The following PTPRR variants were observed in gnomAD, a reference collection of about 807,000 sequenced individuals.
PTPRR encodes the protein protein tyrosine phosphatase receptor type R, also known as receptor-type tyrosine-protein phosphatase R.
Under a neutral mutation model 77.2 loss-of-function variants are expected in PTPRR, and 38 were observed. That is an observed-to-expected ratio of 0.49 (90% CI 0.38 to 0.65). The LOEUF is 0.65. Ranked by LOEUF, PTPRR falls within the 30% of genes least tolerant of loss-of-function variation. The pLI is 0.00. For synonymous variants in PTPRR, 299 were observed against 283.1 expected (o/e 1.06, Z -0.57); for missense variants, 744 against 799.2 (o/e 0.93, Z 0.83).
chr12:70,866,362 C>A (rs1592801941), intron 2 of PTPRR, among the ~76,000 whole-genome samples: 1 of 151,642 alleles, frequency 6.6e-6, no homozygotes, highest in African/African-American at 2.4e-5. Flanking sequence ...CACCACCGAT[C>A]CCACAGAAAT....
intron 2 of PTPRR, among the ~76,000 whole-genome samples, chr12:70,806,881 C>G (rs1366283785): frequency 6.6e-6 from 1 of 152,122 alleles, no homozygotes; most frequent in Non-Finnish European, 1.5e-5. Flanking sequence ...GGGGATAGTA[C>G]TGGGAGATTG....
rs367842570 is a variant in PTPRR at position 70,828,473 on chromosome 12, T to C, written c.358-63695A>G. ...AGTGGGAGAAGAAAATATCTTTAAA[T>C]GGAAAGAGAATTAGATGCATTTTGG... On this transcript the variant is annotated intron_variant, in intron 2 of 13. Transcript: ENST00000283228. 1.3e-4 allele frequency among the ~76,000 whole-genome samples: 20 copies of C among 152,336 alleles called. No individual in the cohort carries two copies. In the East Asian group the frequency reaches 3.7e-3, roughly 28 times the overall value.
At chr12:70,712,278 G>A (rs1888853414) in intron 6 of PTPRR, among the ~76,000 whole-genome samples, 1 of 152,014 alleles carries the variant, frequency 6.6e-6, no homozygotes. Flanking sequence ...ACCGTGATCA[G>A]ATTCTTGCCA....
intron 8 of PTPRR, among the ~76,000 whole-genome samples, chr12:70,694,654 A>C (rs1212167127): frequency 4.6e-5 from 7 of 152,030 alleles, no homozygotes; most frequent in Non-Finnish European, 7.4e-5. Flanking sequence ...ACTCCAAAAA[A>C]AGGGAGGGAG....
chr12:70,728,176 G>C (rs1414093214), intron 6 of PTPRR, among the ~76,000 whole-genome samples: 1 of 146,034 alleles, frequency 6.8e-6, no homozygotes, highest in Non-Finnish European at 1.5e-5. Context: ...CGAAATGCTT[G>C]GGACCAGAAG....
chr12:70,738,594 C>A (rs1250902700), intron 6 of PTPRR, among the ~76,000 whole-genome samples: 1 of 152,166 alleles, frequency 6.6e-6, no homozygotes, highest in Non-Finnish European at 1.5e-5. Flanking sequence ...CGTACAGTAG[C>A]CCAAAGGGAA....
intron 2 of PTPRR, among the ~76,000 whole-genome samples, chr12:70,782,644 C>T (rs893664593): frequency 2.0e-5 from 3 of 151,604 alleles, no homozygotes; most frequent in African/African-American, 7.3e-5. Flanking sequence ...ACAATGAGAA[C>T]ACTTGGACAC....
At chr12:70,839,767 G>C (rs1455268852) in intron 2 of PTPRR, among the ~76,000 whole-genome samples, 3 of 152,132 alleles carry the variant, frequency 2.0e-5, no homozygotes, top group Non-Finnish European at 4.4e-5. Flanking sequence ...ATGCGGGCCA[G>C]GTATAGAGCT....
Position 70,701,126 on chromosome 12 carries a change from A to G in PTPRR, c.1194+11T>C, listed in dbSNP as rs773634994. 2 of 1,613,600 alleles carry G rather than the reference A, an allele frequency of 1.2e-6. No individual in the cohort carries two copies. The highest frequency in any genetic ancestry group is 1.7e-6 in the Non-Finnish European group (2 of 1,179,710). On this transcript the variant is annotated intron_variant, in intron 7 of 13. Transcript: ENST00000283228. Reference sequence around the variant, plus strand: ...ACCGACTGAAGAGTGAACAATAAATAGAAGGCTCACCATGAATTCACTTTG... The same window carrying G: ...ACCGACTGAAGAGTGAACAATAAATGGAAGGCTCACCATGAATTCACTTTG...
intron 13 of PTPRR, among the ~76,000 whole-genome samples, chr12:70,648,624 C>G (rs1336653248): frequency 6.6e-6 from 1 of 152,106 alleles, no homozygotes; most frequent in Non-Finnish European, 1.5e-5. Context: ...ACAGAGAGGC[C>G]TAGAGTGGAC....
chr12:70,714,147 T>C (rs576257072), intron 6 of PTPRR, among the ~76,000 whole-genome samples: 1 of 152,290 alleles, frequency 6.6e-6, no homozygotes, highest in African/African-American at 2.4e-5. Flanking sequence ...ATTCAAATAA[T>C]GTGGTTACTG....
At chr12:70,672,403 G>T in intron 10 of PTPRR, 1 of 1,197,716 alleles carries the variant, frequency 8.3e-7, no homozygotes, top group Non-Finnish European at 1.2e-6. Context: ...AAGTGGAGCA[G>T]CTGTGGTCAT....
Position 70,729,150 on chromosome 12 carries a change from T to C in PTPRR, c.1007+16668A>G, listed in dbSNP as rs549925543. Among the ~76,000 whole-genome samples, 13 of 152,248 alleles carry C rather than the reference T, an allele frequency of 8.5e-5. No homozygotes were observed. The East Asian group carries it at 2.5e-3, about 29-fold the overall frequency. On this transcript the variant is annotated intron_variant, in intron 6 of 13. Transcript: ENST00000283228. ...TACAGATTATAGAAATATATACTAA[T>C]ATAAATATATTCAAATACACCATAG...
chr12:70,687,830 CAA>C (rs2136745914), intron 8 of PTPRR, among the ~76,000 whole-genome samples: 1 of 152,262 alleles, frequency 6.6e-6, no homozygotes, highest in South Asian at 2.1e-4. Context: ...AATTCCTCCT[CAA>C]GAGATATGTT....
Position 70,695,073 on chromosome 12 carries a change from A to C in PTPRR, c.1279+3192T>G, listed in dbSNP as rs145390453. On this transcript the variant is annotated intron_variant, in intron 8 of 13. Transcript: ENST00000283228. ...CCAAGATAACACTGTCATTAGAGAAATGACTATAATTTAATTTATAATTAT... is the reference window on the plus strand; with the variant it reads ...CCAAGATAACACTGTCATTAGAGAACTGACTATAATTTAATTTATAATTAT... Among the ~76,000 whole-genome samples the C allele has an allele frequency of 7.5e-3, 1,135 of 152,290 alleles. 7 individuals carry two copies. The highest frequency in any genetic ancestry group is 0.011 in the Non-Finnish European group (754 of 68,022).
intron 6 of PTPRR, among the ~76,000 whole-genome samples, chr12:70,702,525 T>A (rs1277360836): frequency 2.6e-5 from 4 of 152,152 alleles, no homozygotes; most frequent in Non-Finnish European, 5.9e-5. Context: ...GAATGCGACA[T>A]TAAGAAATAT....
chr12:70,642,249 T>C (rs1566037280), intron 13 of PTPRR, among the ~76,000 whole-genome samples: 1 of 152,192 alleles, frequency 6.6e-6, no homozygotes, highest in Non-Finnish European at 1.5e-5. Context: ...TTTTTTTGAA[T>C]GTGGACATTA....
intron 2 of PTPRR, among the ~76,000 whole-genome samples, chr12:70,767,069 T>G (rs1408240560): frequency 6.6e-6 from 1 of 151,576 alleles, no homozygotes; most frequent in East Asian, 1.9e-4. Flanking sequence ...CACGCCAAAA[T>G]GTAAAGACCA....
chr12:70,769,194 C>T (rs1032029304), intron 2 of PTPRR, among the ~76,000 whole-genome samples: 1 of 148,582 alleles, frequency 6.7e-6, no homozygotes, highest in Admixed American at 6.7e-5. Context: ...AAAGGGTATT[C>T]AATTAGGAAA....
Sources: allele counts gnomAD v4.1 joint callset (sites outside exome capture counted in the v4.1 genomes callset), GRCh38; gene constraint gnomAD v4.1.1; transcripts MANE v1.5; gene names NCBI Gene and HGNC (gene_info 2026-07-23, HGNC 2026-07-21).